Variants in IGSF9 observed in about 807,000 individuals in gnomAD.
IGSF9 encodes immunoglobulin superfamily member 9, also known as protein turtle homolog A.
In IGSF9, 87 loss-of-function variants were observed where a neutral mutation model predicts 121.7. That is an observed-to-expected ratio of 0.71 (90% confidence interval 0.60 to 0.85). The LOEUF (loss-of-function observed/expected upper bound fraction) is 0.85. IGSF9 is among the 40% of genes least tolerant of loss of function. IGSF9 has a pLI of 0.00. For missense variants in IGSF9, 1,462 were observed against 1,565.3 expected (o/e 0.93, Z 1.11); for synonymous variants, 640 against 648.4 (o/e 0.99, Z 0.20).
chr1:159,929,682 T>C lies in IGSF9; in HGVS notation c.2282A>G (p.Asn761Ser). ...LVSILAGCLLNRRRAARRRRK... is the reference protein window; with the variant it reads ...LVSILAGCLLSRRRAARRRRK... ...GCGGCGGCGGGCAGCCCTGCGCCGG[T>C]TCAGGAGGCAGCCGGCCAGGATGCT... The change falls in exon 17 of 21, where the codon AAC becomes AGC. Residue 761 changes from asparagine (N) to serine (S), a missense_variant. This residue lies in a region of IGSF9 where 808 missense variants were observed against 815.2 expected (regional missense o/e 0.99). Coordinates refer to ENST00000368094, the MANE Select transcript of IGSF9 (RefSeq NM_001135050.2). 1 of 1,596,640 alleles carries C rather than the reference T, an allele frequency of 6.3e-7. No homozygotes were observed. Among genetic ancestry groups the C allele is most frequent in the South Asian group, 1.1e-5 (1 of 88,334 alleles).
At chr1:159,937,914 T>G in intron 3 of IGSF9, 76 bp from the exon 4 acceptor site, 1 of 1,471,894 alleles carries the variant, frequency 6.8e-7, no homozygotes, top group Non-Finnish European at 9.3e-7. Context: ...CACTGGTAAT[T>G]CTTAGAGGTA....
At position 159,932,224 on chromosome 1, in the gene IGSF9, C is replaced by A; in HGVS notation, c.1245+288G>T. On this transcript the variant is annotated intron_variant, in intron 10 of 20. Transcript: ENST00000368094. The surrounding 1 kb of genome is among the most constrained non-coding windows in gnomAD (Gnocchi z 4.1). Reference sequence around the variant, plus strand: ...AACCTCTGCAGAACATTCTTCCTCCCAGAGCCCCAGAGAGGGAGGCAGCAC... The same window carrying A: ...AACCTCTGCAGAACATTCTTCCTCCAAGAGCCCCAGAGAGGGAGGCAGCAC... 2 of 573,852 alleles carry A rather than the reference C, an allele frequency of 3.5e-6. No homozygotes were observed. Among genetic ancestry groups the A allele is most frequent in the Non-Finnish European group, 6.2e-6 (2 of 323,176 alleles). 35.5% of individuals were successfully genotyped at this position (573,852 alleles called of 1,614,324 possible).
chr1:159,934,887 C>T, intron 6 of IGSF9, 65 bp from the exon 7 acceptor site: 1 of 1,585,716 alleles, frequency 6.3e-7, no homozygotes, highest in Non-Finnish European at 8.6e-7. Context: ...CCTGAGGTCA[C>T]CTCTACAACT....
In IGSF9 at chr1:159,931,240, G is replaced by A; in HGVS notation, c.1535C>T (p.Thr512Ile). ...YVLGTSPHVVTNVSVVALPKG... is the reference protein window; with the variant it reads ...YVLGTSPHVVINVSVVALPKG... ...GGGCAAAGCCACCACGGACACATTG[G>A]TGACAACATGAGGGCTAGTGCCTAG... The change falls in exon 13 of 21, where the codon ACC becomes ATC. Residue 512 changes from threonine (T) to isoleucine (I), a missense_variant. Thr to Ile is a moderately conservative substitution (Grantham distance 89, BLOSUM62 -1). This residue lies in a region of IGSF9 where 96 missense variants were observed against 150.7 expected (regional missense o/e 0.64). Transcript: ENST00000368094. This position sits in a 1 kb window ranked among gnomAD's most constrained non-coding sequence, Gnocchi z 4.8. 6.2e-7 allele frequency: 1 copy of A among 1,614,130 alleles called. No homozygotes were observed. Among genetic ancestry groups the A allele is most frequent in the Non-Finnish European group, 8.5e-7 (1 of 1,179,986 alleles).
At chr1:159,935,414 C>T (rs141242702) in intron 6 of IGSF9, among the ~76,000 whole-genome samples, 5 of 152,208 alleles carry the variant, frequency 3.3e-5, no homozygotes, top group Non-Finnish European at 5.9e-5. Context: ...TATGTCAGCC[C>T]TCATGAACTC....
Position 159,943,070 on chromosome 1 carries a change from G to C in IGSF9, c.140C>G (p.Ala47Gly). Residue 47 changes from alanine to glycine, a missense_variant, in exon 3 of 21, where the codon GCC becomes GGC. By Grantham distance (60) the Ala-to-Gly change is moderately conservative (BLOSUM62 0). This residue lies in a region of IGSF9 where 558 missense variants were observed against 599.4 expected (regional missense o/e 0.93). Coordinates refer to ENST00000368094, the MANE Select transcript of IGSF9 (RefSeq NM_001135050.2). ...VVLGCDLLPP[A>G]GRPPLHVIEW... is the part of the protein sequence containing the mutation. ...GATGACATGCAGGGGGGGCCGGCCG[G>C]CCGGGGGCAGCAGGTCACAGCCCAG... 1 of 1,612,964 alleles carries C rather than the reference G, an allele frequency of 6.2e-7. No homozygotes were observed. Among genetic ancestry groups the C allele is most frequent in the Non-Finnish European group, 8.5e-7 (1 of 1,179,486 alleles).
chr1:159,944,235 C>G (rs1455881117), intron 1 of IGSF9, among the ~76,000 whole-genome samples: 2 of 152,146 alleles, frequency 1.3e-5, no homozygotes, highest in East Asian at 3.9e-4. Context: ...ATTTCCCCAG[C>G]CTCTATGAAA....
chr1:159,941,575 C>T (rs1448817511), intron 3 of IGSF9, among the ~76,000 whole-genome samples: 1 of 152,234 alleles, frequency 6.6e-6, no homozygotes, highest in Non-Finnish European at 1.5e-5. Context: ...CATCCAGTGG[C>T]TTCAGGCCTG....
chr1:159,934,060 A>C, intron 9 of IGSF9, 130 bp downstream of exon 9: 1 of 1,141,380 alleles, frequency 8.8e-7, no homozygotes, highest in Non-Finnish European at 1.2e-6. Flanking sequence ...GTCTTATAAC[A>C]CAAATTAAAT....
Position 159,928,323 on chromosome 1 carries a change from G to C in IGSF9, c.3065C>G (p.Thr1022Ser). 6.2e-7 allele frequency: 1 copy of C among 1,610,780 alleles called. No homozygotes were observed. Among genetic ancestry groups the C allele is most frequent in the South Asian group, 1.1e-5 (1 of 90,594 alleles). ...LLPAAPRGSLTSQSSGRGSAS... is the reference protein window; with the variant it reads ...LLPAAPRGSLSSQSSGRGSAS... ...GCTGCCTCGCCCACTGCTCTGGCTG[G>C]TGAGGCTGCCTCGAGGGGCAGCAGG... The change falls in exon 19 of 21, where the codon ACC becomes AGC. Residue 1022 changes from threonine (T) to serine (S), a missense_variant. By Grantham distance (58) the Thr-to-Ser change is moderately conservative (BLOSUM62 1). Around this residue, in one of 3 missense-constraint regions of IGSF9, gnomAD observed 808 missense variants for 815.2 expected, o/e 0.99. Transcript: ENST00000368094.
At position 159,932,061 on chromosome 1, in the gene IGSF9, G is replaced by T. The variant is rs1300674177; in HGVS notation, c.1246-133C>A. 1.3e-5 allele frequency: 8 copies of T among 630,412 alleles called. No individual in the cohort carries two copies. The highest frequency in any genetic ancestry group is 2.0e-5 in the Non-Finnish European group (7 of 358,096). 39.1% of individuals were successfully genotyped at this position (630,412 alleles called of 1,614,324 possible). A position where few individuals can be genotyped will look rare whatever the true frequency, so the allele number is the denominator to read the frequency against. On this transcript the variant is annotated intron_variant, in intron 10 of 20. Coordinates refer to ENST00000368094, the MANE Select transcript of IGSF9 (RefSeq NM_001135050.2). The surrounding 1 kb of genome is among the most constrained non-coding windows in gnomAD (Gnocchi z 4.1). ...CTCCCCCTAGCTAAACACTCACCAA[G>T]CCTGTCTCTACCTCATTCTCTCTCC...
At chr1:159,944,574 A>C in intron 1 of IGSF9, among the ~76,000 whole-genome samples, 1 of 152,112 alleles carries the variant, frequency 6.6e-6, no homozygotes, top group East Asian at 1.9e-4. Flanking sequence ...GCATGGTCCA[A>C]AAAAAAGCCT....
In IGSF9 at chr1:159,931,216, G is replaced by C; in HGVS notation, c.1559C>G (p.Pro520Arg). ...VVTNVSVVAL[P>R]KGANVSWEPG... ...CTCCCAGGAGACATTGGCACCCTTG[G>C]GCAAAGCCACCACGGACACATTGGT... is the stretch of plus-strand genomic sequence containing the variant. The change falls in exon 13 of 21, where the codon CCC (proline) becomes CGC (arginine). Residue 520 changes from proline to arginine, a missense_variant. Physicochemically the swap from Pro to Arg is moderately radical, Grantham distance 103. Around this residue, in one of 3 missense-constraint regions of IGSF9, gnomAD observed 96 missense variants for 150.7 expected, o/e 0.64. Transcript: ENST00000368094. This position sits in a 1 kb window ranked among gnomAD's most constrained non-coding sequence, Gnocchi z 4.8. 3 of 1,614,104 alleles carry C rather than the reference G, an allele frequency of 1.9e-6. No individual in the cohort carries two copies. The highest frequency in any genetic ancestry group is 2.5e-6 in the Non-Finnish European group (3 of 1,179,988).
In IGSF9 at chr1:159,937,818, C is replaced by T; in HGVS notation, c.268G>A (p.Gly90Arg). The part of the protein sequence containing the change: ...DYVGRVRLQK[G>R]ASLQIEGLRV... ...AGACCCTCAATCTGGAGAGAGGCCC[C>T]CTTCTGCAGCCGGACTCGTCCTGGG... The change falls in exon 4 of 21, where the codon GGG becomes AGG. Residue 90 changes from glycine to arginine, a missense_variant. Gly to Arg is a moderately radical substitution (Grantham distance 125, BLOSUM62 -2). Around this residue, in one of 3 missense-constraint regions of IGSF9, gnomAD observed 558 missense variants for 599.4 expected, o/e 0.93. Transcript: ENST00000368094. 1 of 1,613,976 alleles carries T rather than the reference C, an allele frequency of 6.2e-7. No homozygotes were observed.
In IGSF9 at chr1:159,929,903, C is replaced by T. The variant is rs1203790127; in HGVS notation, c.2137G>A (p.Val713Ile). 1.9e-6 allele frequency: 3 copies of T among 1,575,274 alleles called. No individual in the cohort carries two copies. Among genetic ancestry groups the T allele is most frequent in the Non-Finnish European group, 2.6e-6 (3 of 1,161,096 alleles). Residue 713 changes from valine (V) to isoleucine (I), a missense_variant, in exon 16 of 21, where the codon GTC (valine) becomes ATC (isoleucine). Transcript: ENST00000368094. Reference protein sequence around the residue: ...FVSDPSNTANVSTSGLEVYPS... With the variant: ...FVSDPSNTANISTSGLEVYPS... ...GCCAGGTGCTCACCGGAAGTGGAGA[C>T]GTTGGCCGTGTTGCTGGGGTCGCTG...
In IGSF9 at chr1:159,929,686, G is replaced by A. The variant is rs1436477070; in HGVS notation, c.2278C>T (p.Leu760=). The A allele has an allele frequency of 1.3e-6, 2 of 1,597,328 alleles. No individual in the cohort carries two copies. The highest frequency in any genetic ancestry group is 1.7e-6 in the Non-Finnish European group (2 of 1,173,520). ...VLVSILAGCL[L]NRRRAARRRR... Reference sequence around the variant, plus strand: ...CGGCGGGCAGCCCTGCGCCGGTTCAGGAGGCAGCCGGCCAGGATGCTCACA... The same window carrying A: ...CGGCGGGCAGCCCTGCGCCGGTTCAAGAGGCAGCCGGCCAGGATGCTCACA... The change falls in exon 17 of 21, where the codon CTG becomes TTG. Residue 760 remains leucine, a synonymous_variant. Transcript: ENST00000368094.
rs775842861 is a variant in IGSF9 at position 159,936,803 on chromosome 1, G to A, written c.506C>T (p.Thr169Met). 30 of 1,614,056 alleles carry A rather than the reference G, an allele frequency of 1.9e-5. No individual in the cohort carries two copies. The highest frequency in any genetic ancestry group is 3.3e-5 in the South Asian group (3 of 91,086). The change falls in exon 5 of 21, where the codon ACG becomes ATG. Residue 169 changes from threonine (T) to methionine (M), a missense_variant. Thr to Met is a moderately conservative substitution (Grantham distance 81). Coordinates refer to ENST00000368094, the MANE Select transcript of IGSF9 (RefSeq NM_001135050.2). The stretch of plus-strand genomic sequence containing the variant: ...AAGGTCCTTTCCTCGGAGCTTCCAC[G>A]TCACATGAGGCAGGGGGCTGCCACG... ...VARGSPLPHV[T>M]WKLRGKDLGQ...
chr1:159,932,508 T>G lies in IGSF9; in HGVS notation c.1245+4A>C. 6 of 1,531,910 alleles carry G rather than the reference T, an allele frequency of 3.9e-6. No individual in the cohort carries two copies. The highest frequency in any genetic ancestry group is 5.3e-6 in the Non-Finnish European group (6 of 1,129,884). 94.9% of individuals were successfully genotyped at this position (1,531,910 alleles called of 1,614,324 possible). On this transcript the variant is annotated splice_donor_region_variant and intron_variant, in intron 10 of 20. Transcript: ENST00000368094. This position sits in a 1 kb window ranked among gnomAD's most constrained non-coding sequence, Gnocchi z 4.1. ...CACAGGCCCCCGCCCACCCCCGGCC[T>G]AACCTTGAGCAGCACGCGGGTCACA...
In IGSF9 at chr1:159,932,042, CT is replaced by C; in HGVS notation, c.1246-115del. ...CTCACCTCACTCTCCCTCACTCCCC[CT>C]AGCTAAACACTCACCAAGCCTGTCT... On this transcript the variant is annotated intron_variant, in intron 10 of 20. Transcript: ENST00000368094. This position sits in a 1 kb window ranked among gnomAD's most constrained non-coding sequence, Gnocchi z 4.1. 1 of 674,902 alleles carries C rather than the reference CT, an allele frequency of 1.5e-6. No individual in the cohort carries two copies. The highest frequency in any genetic ancestry group is 2.6e-6 in the Non-Finnish European group (1 of 387,464). 41.8% of individuals were successfully genotyped at this position (674,902 alleles called of 1,614,324 possible).
Sources: gnomAD v4.1 joint callset for allele counts (sites outside exome capture counted in the v4.1 genomes callset) on GRCh38, gnomAD v4.1.1 for gene constraint, gnomAD v4.1.1 regional missense constraint, Gnocchi (gnomAD v3.1) non-coding constraint, MANE v1.5 for transcripts, NCBI Gene and HGNC (gene_info 2026-07-23, HGNC 2026-07-21) for gene names.